PADI1: variants seen among roughly 807,000 people sequenced by gnomAD.
PADI1 encodes the protein protein-arginine deiminase type-1.
A neutral mutation model predicts 74.8 loss-of-function variants in PADI1; 65 were observed. That is an observed-to-expected ratio of 0.87 (90% CI 0.71 to 1.07). PADI1 has a LOEUF of 1.07. Ranked by LOEUF, PADI1 falls within the 50% of genes least tolerant of loss-of-function variation. PADI1 has a pLI of 0.00. For synonymous variants in PADI1, 371 were observed against 336.2 expected (o/e 1.10, Z -1.13); for missense variants, 943 against 854.0 (o/e 1.10, Z -1.30).
Position 17,230,192 on chromosome 1 carries a change from ATGACCGCTGGATCCAGGTGGGAGC to A in PADI1, c.1040_1053+10del. On this transcript the variant is annotated splice_donor_variant and splice_donor_5th_base_variant and coding_sequence_variant and intron_variant, in exon 9 of 16. Coordinates refer to ENST00000375471, the MANE Select transcript of PADI1 (RefSeq NM_013358.3). LOFTEE classifies it high-confidence loss of function. ...ATCTGCCCTCAAGTTGAAAATCGAA[ATGACCGCTGGATCCAGGTGGGAGC>A]TGGGGGCAGCTCGGGAAGCCTGCAG... is the stretch of plus-strand genomic sequence containing the variant. 6.2e-7 allele frequency: 1 copy of A among 1,614,068 alleles called. No homozygotes were observed. The highest frequency in any genetic ancestry group is 1.1e-5 in the South Asian group (1 of 91,068).
At chr1:17,209,021 T>C (rs1441439706) in intron 1 of PADI1, among the ~76,000 whole-genome samples, 1 of 152,092 alleles carries the variant, frequency 6.6e-6, no homozygotes, top group Non-Finnish European at 1.5e-5. Flanking sequence ...TGGAGGGGCA[T>C]AGGGAGAAGG....
chr1:17,211,070 G>A (rs1384376707), intron 1 of PADI1, among the ~76,000 whole-genome samples: 1 of 152,344 alleles, frequency 6.6e-6, no homozygotes, highest in South Asian at 2.1e-4. Flanking sequence ...TGGTCAGGGA[G>A]GAGAGTGAAG....
intron 11 of PADI1, among the ~76,000 whole-genome samples, 155 bp downstream of exon 11, chr1:17,233,125 C>A (rs2072543321): frequency 6.6e-6 from 1 of 152,204 alleles, no homozygotes; most frequent in Admixed American, 6.5e-5. Context: ...AACCTAGGAT[C>A]TCAGATTTAA....
chr1:17,235,616 C>T (rs895722139), intron 11 of PADI1, among the ~76,000 whole-genome samples: 1 of 151,588 alleles, frequency 6.6e-6, no homozygotes, highest in Non-Finnish European at 1.5e-5. Flanking sequence ...GGCGGAGAGC[C>T]GGAGGATGTA....
chr1:17,223,707 C>G lies in PADI1; in HGVS notation c.346+14C>G. On this transcript the variant is annotated intron_variant, in intron 3 of 15. Transcript: ENST00000375471. Reference sequence around the variant, plus strand: ...TCACTGGCGTCGGTAAGTAGCAGCTCCCTGGCTGCCCATCTATCCCTTTGC... The same window carrying G: ...TCACTGGCGTCGGTAAGTAGCAGCTGCCTGGCTGCCCATCTATCCCTTTGC... 6.2e-7 allele frequency: 1 copy of G among 1,607,820 alleles called. No homozygotes were observed. Among genetic ancestry groups the G allele is most frequent in the Non-Finnish European group, 8.5e-7 (1 of 1,174,466 alleles).
chr1:17,239,835 G>T (rs764493485), intron 14 of PADI1, 52 bp downstream of exon 14: 1 of 1,429,240 alleles, frequency 7.0e-7, no homozygotes, highest in South Asian at 1.2e-5. Flanking sequence ...CTTCCAGGGA[G>T]AAGAAGCCCC....
chr1:17,239,843 C>T (rs1219516700), intron 14 of PADI1, 60 bp downstream of exon 14: 8 of 1,375,316 alleles, frequency 5.8e-6, no homozygotes, highest in Non-Finnish European at 8.2e-6. Context: ...GAGAAGAAGC[C>T]CCAGGAACTG....
chr1:17,218,406 G>C (rs1333398621), intron 1 of PADI1, among the ~76,000 whole-genome samples: 2 of 152,126 alleles, frequency 1.3e-5, no homozygotes, highest in Admixed American at 1.3e-4. Flanking sequence ...CCACTGCCTG[G>C]AGTTAGGGGG....
chr1:17,232,803 G>T lies in PADI1; in HGVS notation c.1162-16G>T. The T allele has an allele frequency of 1.2e-6, 2 of 1,602,350 alleles. No individual in the cohort carries two copies. Among genetic ancestry groups the T allele is most frequent in the Non-Finnish European group, 1.7e-6 (2 of 1,172,140 alleles). On this transcript the variant is annotated splice_polypyrimidine_tract_variant and intron_variant, in intron 10 of 15. Coordinates refer to ENST00000375471, the MANE Select transcript of PADI1 (RefSeq NM_013358.3). Reference sequence around the variant, plus strand: ...CTCTCCTTCTTGGGGTGGGGGTCTCGCTGGTTCTTCCATAGGGTCCTGACT... The same window carrying T: ...CTCTCCTTCTTGGGGTGGGGGTCTCTCTGGTTCTTCCATAGGGTCCTGACT...
intron 11 of PADI1, among the ~76,000 whole-genome samples, chr1:17,235,215 AG>A (rs796447715): frequency 2.5e-4 from 29 of 114,114 alleles, no homozygotes; most frequent in South Asian, 6.9e-4. Flanking sequence ...GGAGGGAGGA[AG>A]GGAAGGAAGG....
At chr1:17,226,303 C>T (rs1044635143) in intron 6 of PADI1, 145 bp downstream of exon 6, 15 of 867,788 alleles carry the variant, frequency 1.7e-5, no homozygotes, top group Non-Finnish European at 2.5e-5. Context: ...CAAATATAGT[C>T]CTCAAGGAGG....
At chr1:17,230,775 A>G (rs1007144444) in intron 10 of PADI1, 96 bp downstream of exon 10, 4 of 703,408 alleles carry the variant, frequency 5.7e-6, no homozygotes, top group Non-Finnish European at 9.8e-6. Context: ...TAGGGCTCAG[A>G]GAACAGGAAG....
At chr1:17,208,708 G>A (rs1351219420) in intron 1 of PADI1, among the ~76,000 whole-genome samples, 1 of 152,186 alleles carries the variant, frequency 6.6e-6, no homozygotes, top group African/African-American at 2.4e-5. Flanking sequence ...TGATTCCCTG[G>A]ATCTGGCCAG....
In PADI1 at chr1:17,228,950, C is replaced by A. The variant is rs915964616; in HGVS notation, c.828C>A (p.Thr276=). The stretch of plus-strand genomic sequence containing the variant: ...CCAAGTCCTCATTTTCCCCTCAGAC[C>A]CTGCCCGAGGTGACCCTCTTCACAG... The part of the protein sequence containing the change: ...SLSVSLVDPG[T]LPEVTLFTDT... The change falls in exon 8 of 16, where the codon ACC becomes ACA. Residue 276 remains threonine (T), a splice_region_variant and synonymous_variant. Coordinates refer to ENST00000375471, the MANE Select transcript of PADI1 (RefSeq NM_013358.3). 5 of 1,596,960 alleles carry A rather than the reference C, an allele frequency of 3.1e-6. No individual in the cohort carries two copies. The highest frequency in any genetic ancestry group is 1.1e-5 in the South Asian group (1 of 89,498).
chr1:17,211,913 C>T lies in PADI1; in HGVS notation c.92+6604C>T, dbSNP rs535175771. ...ATCAGAGAATGGAGTAAAAACCCTC[C>T]GTAGACTCTGTGGACCCCACAAGGG... On this transcript the variant is annotated intron_variant, in intron 1 of 15. Coordinates refer to ENST00000375471, the MANE Select transcript of PADI1 (RefSeq NM_013358.3). 7.2e-5 allele frequency among the ~76,000 whole-genome samples: 11 copies of T among 152,350 alleles called. No individual in the cohort carries two copies. In the East Asian group the frequency reaches 9.6e-4, roughly 13 times the overall value.
chr1:17,229,057 G>C lies in PADI1; in HGVS notation c.929+6G>C. 1 of 1,532,188 alleles carries C rather than the reference G, an allele frequency of 6.5e-7. No individual in the cohort carries two copies. The highest frequency in any genetic ancestry group is 8.9e-7 in the Non-Finnish European group (1 of 1,127,324). The allele number at this position is 1,532,188 out of a possible 1,614,324, so 94.9% of individuals were successfully genotyped here. Reference sequence around the variant, plus strand: ...GAGGAGCTGTATGTGTGCAGGTGAGGCTCCCTCCCTCCAGCCCTCCCCCAA... The same window carrying C: ...GAGGAGCTGTATGTGTGCAGGTGAGCCTCCCTCCCTCCAGCCCTCCCCCAA... On this transcript the variant is annotated splice_donor_region_variant and intron_variant, in intron 8 of 15. Coordinates refer to ENST00000375471, the MANE Select transcript of PADI1 (RefSeq NM_013358.3).
chr1:17,209,094 C>T (rs777895140), intron 1 of PADI1, among the ~76,000 whole-genome samples: 1 of 152,150 alleles, frequency 6.6e-6, no homozygotes, highest in Non-Finnish European at 1.5e-5. Flanking sequence ...ATGAAAATGC[C>T]AAAACAGAGT....
chr1:17,215,418 T>TCATCATCA (rs2100417739), intron 1 of PADI1, among the ~76,000 whole-genome samples: 1 of 151,554 alleles, frequency 6.6e-6, no homozygotes, highest in African/African-American at 2.4e-5. Context: ...ATCATCATCA[T>TCATCATCA]TTTCTACCAA....
At chr1:17,215,416 CATT>C (rs1569762090) in intron 1 of PADI1, among the ~76,000 whole-genome samples, 1 of 152,020 alleles carries the variant, frequency 6.6e-6, no homozygotes, top group East Asian at 1.9e-4. Flanking sequence ...TCATCATCAT[CATT>C]TTCTACCAAG....
Sources: allele counts gnomAD v4.1 joint callset (sites outside exome capture counted in the v4.1 genomes callset), GRCh38; gene constraint gnomAD v4.1.1; transcripts MANE v1.5; gene names NCBI Gene and HGNC (gene_info 2026-07-23, HGNC 2026-07-21).